The following PSG2 variants were observed in gnomAD, a reference collection of about 807,000 sequenced individuals.
The protein encoded by PSG2 is pregnancy specific beta-1-glycoprotein 2.
Under a neutral mutation model 36.2 loss-of-function variants are expected in PSG2, and 49 were observed. That is an observed-to-expected ratio of 1.35 (90% CI 1.08 to 1.72). The LOEUF (loss-of-function observed/expected upper bound fraction) is 1.72, where lower values mean the gene tolerates loss of function less well. Among genes scored for constraint, PSG2 ranks in the 40% most tolerant of loss-of-function variants. The pLI is 0.00. For synonymous variants in PSG2, 261 were observed against 155.6 expected (o/e 1.68, Z -5.04); for missense variants, 605 against 407.2 (o/e 1.49, Z -4.18).
chr19:43,077,546 A>T (rs1473213359), intron 2 of PSG2, among the ~76,000 whole-genome samples: 1 of 151,698 alleles, frequency 6.6e-6, no homozygotes, highest in African/African-American at 2.4e-5. Context: ...CCAATGGCTC[A>T]TGTGTCTCCC....
At chr19:43,077,693 C>G (rs1351300083) in intron 2 of PSG2, among the ~76,000 whole-genome samples, 1 of 151,868 alleles carries the variant, frequency 6.6e-6, no homozygotes, top group African/African-American at 2.4e-5. Flanking sequence ...ATTCCTATTA[C>G]GTGTACGTTA....
chr19:43,069,591 AT>A (rs1160469449), intron 4 of PSG2, among the ~76,000 whole-genome samples: 1 of 151,762 alleles, frequency 6.6e-6, no homozygotes, highest in Non-Finnish European at 1.5e-5. Context: ...GTGTGCCAAG[AT>A]CATTCAATGG....
chr19:43,071,827 A>C lies in PSG2; in HGVS notation c.837T>G (p.Phe279Leu), dbSNP rs1486688827. ...AQYSWTINGK[F>L]QQSGQNLFIP... The stretch of plus-strand genomic sequence containing the variant: ...TAAACAGATTTTGTCCTGATTGCTG[A>C]AACTTCCCATTAATTGTCCAAGAAT... Residue 279 changes from phenylalanine to leucine, a missense_variant, in exon 4 of 6, where the codon TTT becomes TTG. Phe to Leu is a conservative substitution (Grantham distance 22). Transcript: ENST00000406487. 1.9e-6 allele frequency: 3 copies of C among 1,613,164 alleles called. 1 individual carries two copies. In the South Asian group the frequency reaches 3.3e-5, roughly 18 times the overall value.
chr19:43,069,866 A>C (rs2122898137), intron 4 of PSG2, among the ~76,000 whole-genome samples: 1 of 151,928 alleles, frequency 6.6e-6, no homozygotes, highest in East Asian at 1.9e-4. Context: ...AACCTTTTAC[A>C]TATCGAAGAA....
chr19:43,077,001 C>T lies in PSG2; in HGVS notation c.431-1369G>A, dbSNP rs552483080. ...ATTTCTGGATTTGGGATGCTCAATT[C>T]GTAATACTGTAATTTTCCCATAAAA... On this transcript the variant is annotated intron_variant, in intron 2 of 5. Coordinates refer to ENST00000406487, the MANE Select transcript of PSG2 (RefSeq NM_031246.4). Among the ~76,000 whole-genome samples the T allele has an allele frequency of 2.6e-4, 39 of 151,444 alleles. 1 individual carries two copies. The highest frequency in any genetic ancestry group is 7.9e-4 in the Admixed American group (12 of 15,220).
At position 43,066,554 on chromosome 19, in the gene PSG2, C is replaced by G. The variant is rs757571323; in HGVS notation, c.*3G>C. The G allele has an allele frequency of 1.3e-6, 2 of 1,595,244 alleles. No homozygotes were observed. The highest frequency in any genetic ancestry group is 1.7e-6 in the Non-Finnish European group (2 of 1,163,726). On this transcript the variant is annotated 3_prime_UTR_variant, in exon 5 of 6. Coordinates refer to ENST00000406487, the MANE Select transcript of PSG2 (RefSeq NM_031246.4). Reference sequence around the variant, plus strand: ...CTGAAATACAGAAATGACATCACAGCTGCTATGTTGGATTAAGGAGAGGAA... The same window carrying G: ...CTGAAATACAGAAATGACATCACAGGTGCTATGTTGGATTAAGGAGAGGAA...
intron 4 of PSG2, 126 bp from the exon 5 acceptor site, chr19:43,066,726 T>G: frequency 7.3e-7 from 1 of 1,372,266 alleles, no homozygotes; most frequent in Non-Finnish European, 1.0e-6. Flanking sequence ...TTATTTCTCT[T>G]GGAATATTGA....
At chr19:43,072,214 A>G in intron 3 of PSG2, 1 of 1,449,518 alleles carries the variant, frequency 6.9e-7, no homozygotes, top group African/African-American at 1.4e-5. Context: ...AGGTTTTCCC[A>G]GGGCAGGGAG....
intron 2 of PSG2, among the ~76,000 whole-genome samples, chr19:43,077,653 C>A (rs1192249158): frequency 7.9e-5 from 12 of 151,726 alleles, no homozygotes; most frequent in Admixed American, 7.9e-4. Context: ...CCCACCTGGT[C>A]ACCTCCAACT....
At chr19:43,080,462 G>T (rs1319551286) in intron 2 of PSG2, among the ~76,000 whole-genome samples, 1 of 151,682 alleles carries the variant, frequency 6.6e-6, no homozygotes, top group Non-Finnish European at 1.5e-5. Context: ...AGCTTTATCT[G>T]GAGCAAGGAT....
rs759428111 is a variant in PSG2 at position 43,066,601 on chromosome 19, C to T, written c.965-1G>A. The T allele has an allele frequency of 7.5e-6, 12 of 1,597,096 alleles. No homozygotes were observed. The highest frequency in any genetic ancestry group is 8.6e-6 in the Non-Finnish European group (10 of 1,165,384). On this transcript the variant is annotated splice_acceptor_variant, in intron 4 of 5. Transcript: ENST00000406487. LOFTEE classifies it high-confidence loss of function. ...GGAAGAAGTCCTATTCTTGTAGAAG[C>T]TGTCATGGAAAGAAAAGTAAAGAAG...
intron 4 of PSG2, among the ~76,000 whole-genome samples, chr19:43,068,978 C>G (rs1203941680): frequency 2.6e-5 from 4 of 151,582 alleles, no homozygotes; most frequent in Admixed American, 2.6e-4. Context: ...AAAGGTGGAA[C>G]AAACCTATTA....
At chr19:43,067,852 C>T (rs1222338262) in intron 4 of PSG2, among the ~76,000 whole-genome samples, 4 of 151,092 alleles carry the variant, frequency 2.6e-5, no homozygotes, top group Admixed American at 6.6e-5. Context: ...GAGTCTTGTG[C>T]AAGAAATTTA....
intron 5 of PSG2, 149 bp from the exon 6 acceptor site, chr19:43,064,750 A>C: frequency 3.1e-6 from 1 of 317,682 alleles, no homozygotes; most frequent in Non-Finnish European, 6.2e-6. Context: ...GCTCACATAG[A>C]AATCTAGTTA....
At position 43,071,798 on chromosome 19, in the gene PSG2, G is replaced by C. The variant is rs367697086; in HGVS notation, c.866C>G (p.Pro289Arg). The C allele has an allele frequency of 4.3e-6, 7 of 1,612,812 alleles. No homozygotes were observed. Among genetic ancestry groups the C allele is most frequent in the Non-Finnish European group, 5.9e-6 (7 of 1,179,408 alleles). The change falls in exon 4 of 6, where the codon CCC becomes CGC. Residue 289 changes from proline (P) to arginine (R), a missense_variant. Pro to Arg is a moderately radical substitution (Grantham distance 103). Transcript: ENST00000406487. ...FQQSGQNLFI[P>R]QITTKHSGLY... ...CCCGCTATGCTTTGTAGTAATTTGG[G>C]GGATAAACAGATTTTGTCCTGATTG...
rs577979529 is a variant in PSG2 at position 43,075,870 on chromosome 19, T to C, written c.431-238A>G. On this transcript the variant is annotated intron_variant, in intron 2 of 5. Transcript: ENST00000406487. ...CTCAGGTGTGTATTGAGCAGCAGCA[T>C]TGGGTCATGGAAAGACACAGGACCA... 3.8e-4 allele frequency among the ~76,000 whole-genome samples: 57 copies of C among 151,638 alleles called. 1 individual carries two copies. The highest frequency in any genetic ancestry group is 1.3e-3 in the African/African-American group (55 of 41,108).
chr19:43,068,021 C>T (rs7245718), intron 4 of PSG2, among the ~76,000 whole-genome samples: 1 of 151,108 alleles, frequency 6.6e-6, no homozygotes, highest in African/African-American at 2.5e-5. Flanking sequence ...AGAACGGAAA[C>T]AGAATAGAGG....
chr19:43,082,297 T>C, intron 1 of PSG2: 1 of 708,762 alleles, frequency 1.4e-6, no homozygotes, highest in Non-Finnish European at 2.2e-6. Context: ...CACACGACAA[T>C]ACCTGGTTAA....
chr19:43,082,535 T>A lies in PSG2; in HGVS notation c.35A>T (p.His12Leu), dbSNP rs773426051. 10 of 1,612,188 alleles carry A rather than the reference T, an allele frequency of 6.2e-6. 1 individual carries two copies. In the African/African-American group the frequency reaches 9.4e-5, roughly 15 times the overall value. Residue 12 changes from histidine to leucine, a missense_variant, in exon 1 of 6, where the codon CAC becomes CTC. Coordinates refer to ENST00000406487, the MANE Select transcript of PSG2 (RefSeq NM_031246.4). ...GPLSAPPCTE[H>L]IKWKGLLVTA... ...GACCAGGAGCCCCTTCCATTTGATG[T>A]GCTCTGTGCAGGGAGGGGCTGAGAG...
Sources: allele counts gnomAD v4.1 joint callset (sites outside exome capture counted in the v4.1 genomes callset), GRCh38; gene constraint gnomAD v4.1.1; transcripts MANE v1.5; gene names NCBI Gene and HGNC (gene_info 2026-07-23, HGNC 2026-07-21).